The following GRM5 variants were observed in gnomAD, a reference collection of about 807,000 sequenced individuals.
GRM5 encodes metabotropic glutamate receptor 5.
In GRM5, 19 loss-of-function variants were observed where a neutral mutation model predicts 83.1. That is an observed-to-expected ratio of 0.23 (90% CI 0.16 to 0.34). The LOEUF (loss-of-function observed/expected upper bound fraction) is 0.34, where lower values mean the gene tolerates loss of function less well. Among genes scored for constraint, GRM5 ranks in the 10% least tolerant of loss-of-function variants. The pLI, the probability that GRM5 is intolerant of heterozygous loss-of-function variation, is 1.00. For missense variants in GRM5, 1,160 were observed against 1,588.3 expected, an observed-to-expected ratio of 0.73 and a Z score of 4.58; for synonymous variants, 675 against 633.6, an observed-to-expected ratio of 1.07 and a Z score of -0.98.
At chr11:88,750,235 G>A (rs540536997) in intron 3 of GRM5, among the ~76,000 whole-genome samples, 2 of 152,142 alleles carry the variant, frequency 1.3e-5, no homozygotes, top group East Asian at 1.9e-4. Flanking sequence ...ACAAAAGGAT[G>A]GAGGAAAAGG....
At chr11:88,840,447 A>G (rs1223779892) in intron 3 of GRM5, among the ~76,000 whole-genome samples, 1 of 152,170 alleles carries the variant, frequency 6.6e-6, no homozygotes, top group African/African-American at 2.4e-5. Context: ...AATTTCTCCA[A>G]GATCCATATT....
intron 2 of GRM5, chr11:88,912,092 A>C (rs1342312156): frequency 6.7e-6 from 3 of 449,058 alleles, no homozygotes; most frequent in Non-Finnish European, 1.4e-5. Context: ...GTATCTGTAT[A>C]ACTTCCTAAA....
In GRM5 at chr11:88,505,638, C is replaced by G. The variant is rs1163617437; in HGVS notation, c.*2954G>C. On this transcript the variant is annotated 3_prime_UTR_variant, in exon 10 of 10. Transcript: ENST00000305447. Reference sequence around the variant, plus strand: ...ATATGTTCTTCTTAGGCTGCCCCCACTCCTTTCCCAAAATGGAAGGATGAG... The same window carrying G: ...ATATGTTCTTCTTAGGCTGCCCCCAGTCCTTTCCCAAAATGGAAGGATGAG... 1 of 152,236 alleles carries G rather than the reference C, an allele frequency of 6.6e-6. No individual in the cohort carries two copies. The highest frequency in any genetic ancestry group is 1.5e-5 in the Non-Finnish European group (1 of 68,034). 9.4% of individuals were successfully genotyped at this position (152,236 alleles called of 1,614,324 possible).
At chr11:88,996,560 G>T (rs1336664851) in intron 2 of GRM5, among the ~76,000 whole-genome samples, 3 of 152,134 alleles carry the variant, frequency 2.0e-5, no homozygotes, top group African/African-American at 4.8e-5. Context: ...AAGAAAAAGG[G>T]ACAAAACCAC....
chr11:88,954,268 A>C (rs1416292493), intron 2 of GRM5, among the ~76,000 whole-genome samples: 1 of 152,176 alleles, frequency 6.6e-6, no homozygotes, highest in East Asian at 1.9e-4. Flanking sequence ...ATCTTAAAGA[A>C]AATTAGTTAA....
chr11:88,730,243 C>T (rs1941777021), intron 3 of GRM5, among the ~76,000 whole-genome samples: 3 of 152,150 alleles, frequency 2.0e-5, no homozygotes, highest in African/African-American at 7.2e-5. Flanking sequence ...TCTCAAAAGA[C>T]ATTTATGCGG....
chr11:88,982,016 G>T (rs1446394826), intron 2 of GRM5, among the ~76,000 whole-genome samples: 1 of 152,104 alleles, frequency 6.6e-6, no homozygotes, highest in African/African-American at 2.4e-5. Flanking sequence ...TTATTATGAT[G>T]TATTGCTCCA....
chr11:89,001,689 G>A (rs1376853463), intron 2 of GRM5, among the ~76,000 whole-genome samples: 1 of 152,000 alleles, frequency 6.6e-6, no homozygotes, highest in Admixed American at 6.6e-5. Flanking sequence ...TACCATTTGA[G>A]GAAAAACTGG....
intron 3 of GRM5, among the ~76,000 whole-genome samples, chr11:88,757,656 C>A (rs1942423101): frequency 6.6e-6 from 1 of 152,090 alleles, no homozygotes; most frequent in Non-Finnish European, 1.5e-5. Flanking sequence ...ATGTCCTCCT[C>A]CAGTTACGCT....
intron 2 of GRM5, among the ~76,000 whole-genome samples, chr11:88,853,043 T>C (rs1033579896): frequency 6.6e-5 from 10 of 152,248 alleles, no homozygotes; most frequent in African/African-American, 2.4e-4. Flanking sequence ...AAAGCTGTGG[T>C]ATAAAATATG....
chr11:88,793,709 G>T (rs1481743125), intron 3 of GRM5, among the ~76,000 whole-genome samples: 1 of 152,164 alleles, frequency 6.6e-6, no homozygotes, highest in Non-Finnish European at 1.5e-5. Flanking sequence ...AACCTACTGG[G>T]AGGGCCAATA....
chr11:88,967,369 G>T (rs1939020414), intron 2 of GRM5, among the ~76,000 whole-genome samples: 2 of 151,488 alleles, frequency 1.3e-5, no homozygotes, highest in African/African-American at 2.4e-5. Flanking sequence ...TCAGTCCATT[G>T]TATGTTGCTG....
intron 3 of GRM5, among the ~76,000 whole-genome samples, chr11:88,821,790 C>T (rs1943800487): frequency 6.6e-6 from 1 of 152,054 alleles, no homozygotes; most frequent in Non-Finnish European, 1.5e-5. Flanking sequence ...TCTCTAGCCA[C>T]AAAAAATTAA....
chr11:88,547,468 T>C (rs1019517230), intron 8 of GRM5, among the ~76,000 whole-genome samples: 1 of 152,160 alleles, frequency 6.6e-6, no homozygotes, highest in African/African-American at 2.4e-5. Flanking sequence ...CTGCCTCAAG[T>C]AGCCCCAAAC....
At chr11:88,588,747 A>G (rs1937594431) in intron 7 of GRM5, among the ~76,000 whole-genome samples, 1 of 152,042 alleles carries the variant, frequency 6.6e-6, no homozygotes, top group African/African-American at 2.4e-5. Flanking sequence ...CTTTGACTTC[A>G]TATATAATTT....
At chr11:88,938,988 G>C (rs1937996351) in intron 2 of GRM5, among the ~76,000 whole-genome samples, 1 of 151,506 alleles carries the variant, frequency 6.6e-6, no homozygotes, top group Non-Finnish European at 1.5e-5. Flanking sequence ...ACTGATATTT[G>C]CCTAAAATGT....
chr11:88,654,853 A>G (rs1330812151), intron 3 of GRM5, among the ~76,000 whole-genome samples: 1 of 152,116 alleles, frequency 6.6e-6, no homozygotes, highest in African/African-American at 2.4e-5. Context: ...TATGTAAGTA[A>G]TTAATTTAAA....
intron 8 of GRM5, among the ~76,000 whole-genome samples, chr11:88,526,626 T>C (rs1293797259): frequency 6.6e-6 from 1 of 152,202 alleles, no homozygotes; most frequent in Non-Finnish European, 1.5e-5. Context: ...AGTCACACTC[T>C]TTTTAGTTTA....
chr11:88,651,548 G>A (rs140814369), intron 4 of GRM5, among the ~76,000 whole-genome samples: 1 of 152,208 alleles, frequency 6.6e-6, no homozygotes, highest in East Asian at 1.9e-4. Context: ...AGATAGAACT[G>A]TTAAAATATG....
Sources: gnomAD v4.1 joint callset for allele counts (sites outside exome capture counted in the v4.1 genomes callset) on GRCh38, gnomAD v4.1.1 for gene constraint, MANE v1.5 for transcripts, NCBI Gene and HGNC (gene_info 2026-07-23, HGNC 2026-07-21) for gene names.